GABRG3: variants seen among roughly 807,000 people sequenced by gnomAD.
The protein encoded by GABRG3 is gamma-aminobutyric acid receptor subunit gamma-3.
Under a neutral mutation model 48.8 loss-of-function variants are expected in GABRG3, and 25 were observed. The ratio of observed to expected loss-of-function variants is 0.51; its 90% CI spans 0.37 to 0.72. The LOEUF is 0.72. Ranked by LOEUF, GABRG3 falls within the 30% of genes least tolerant of loss-of-function variation. The pLI is 0.00. For synonymous variants in GABRG3, 227 were observed against 217.6 expected (o/e 1.04, Z -0.38); for missense variants, 394 against 577.9 (o/e 0.68, Z 3.26).
chr15:27,309,648 A>T (rs1422071082), intron 3 of GABRG3, among the ~76,000 whole-genome samples: 1 of 152,086 alleles, frequency 6.6e-6, no homozygotes, highest in African/African-American at 2.4e-5. Context: ...TAACTTCAAT[A>T]AAAATTGCTG....
intron 3 of GABRG3, among the ~76,000 whole-genome samples, chr15:27,252,495 A>AT: frequency 6.6e-6 from 1 of 152,238 alleles, no homozygotes; most frequent in South Asian, 2.1e-4. Flanking sequence ...CAGGTCGGTC[A>AT]GAACATGATG....
chr15:27,246,504 C>T (rs926512155), intron 3 of GABRG3, among the ~76,000 whole-genome samples: 3 of 152,026 alleles, frequency 2.0e-5, no homozygotes, highest in Non-Finnish European at 2.9e-5. Flanking sequence ...CATTTTGTTA[C>T]GAATGTATAA....
At chr15:27,144,305 G>T (rs1898158435) in intron 3 of GABRG3, among the ~76,000 whole-genome samples, 1 of 152,138 alleles carries the variant, frequency 6.6e-6, no homozygotes, top group Non-Finnish European at 1.5e-5. Context: ...CACAGATCAT[G>T]CTGAAAATCA....
intron 5 of GABRG3, among the ~76,000 whole-genome samples, chr15:27,396,163 C>T (rs1248590514): frequency 6.6e-6 from 1 of 152,176 alleles, no homozygotes; most frequent in Non-Finnish European, 1.5e-5. Context: ...CATGGTGAGC[C>T]TGTACTTACT....
In GABRG3 at chr15:27,541,145, C is replaced by T. The variant is rs1891654503; in HGVS notation, c.*8264C>T. The T allele has an allele frequency of 6.6e-6, 1 of 152,222 alleles. No individual in the cohort carries two copies. The highest frequency in any genetic ancestry group is 2.4e-5 in the African/African-American group (1 of 41,442). The allele number at this position is 152,222 out of a possible 1,614,324, so 9.4% of individuals were successfully genotyped here. A position where few individuals can be genotyped will look rare whatever the true frequency, so the allele number is the denominator to read the frequency against. ...GGAGTCCCTCTGGGGTCCACACAAG[C>T]CTGCCTCCTTTGGAGAGCCCTTGAG... On this transcript the variant is annotated 3_prime_UTR_variant, in exon 10 of 10. Coordinates refer to ENST00000615808, the MANE Select transcript of GABRG3 (RefSeq NM_033223.5).
rs1397511736 is a variant in GABRG3 at position 27,457,063 on chromosome 15, G to A, written c.575-23587G>A. 6.6e-6 allele frequency among the ~76,000 whole-genome samples: 1 copy of A among 152,218 alleles called. No individual in the cohort carries two copies. The highest frequency in any genetic ancestry group is 1.5e-5 in the Non-Finnish European group (1 of 68,048). On this transcript the variant is annotated intron_variant, in intron 5 of 9. Coordinates refer to ENST00000615808, the MANE Select transcript of GABRG3 (RefSeq NM_033223.5). The surrounding 1 kb of genome is among the most constrained non-coding windows in gnomAD (Gnocchi z 4.4). Reference sequence around the variant, plus strand: ...CAGGGGTGTGGAAGTAGAAGGAGCTGGAGGAGGGGAGCTGCAGGCCTCACC... The same window carrying A: ...CAGGGGTGTGGAAGTAGAAGGAGCTAGAGGAGGGGAGCTGCAGGCCTCACC...
chr15:27,155,660 A>G (rs561152554), intron 3 of GABRG3, among the ~76,000 whole-genome samples: 1 of 152,146 alleles, frequency 6.6e-6, no homozygotes, highest in Admixed American at 6.5e-5. Context: ...TATTGGGTTT[A>G]TTTACCCTTG....
intron 5 of GABRG3, among the ~76,000 whole-genome samples, chr15:27,415,992 GC>G (rs1887930155): frequency 6.6e-6 from 1 of 151,982 alleles, no homozygotes; most frequent in South Asian, 2.1e-4. Flanking sequence ...CCTCTTTCTA[GC>G]CCACTTTTCC....
chr15:27,035,318 T>C (rs1470255521), intron 3 of GABRG3, among the ~76,000 whole-genome samples: 1 of 152,202 alleles, frequency 6.6e-6, no homozygotes, highest in Non-Finnish European at 1.5e-5. Flanking sequence ...ATGGTAACTT[T>C]TCAGTGATTT....
chr15:27,356,372 G>T (rs191252013), intron 5 of GABRG3, among the ~76,000 whole-genome samples: 1 of 152,026 alleles, frequency 6.6e-6, no homozygotes, highest in South Asian at 2.1e-4. Flanking sequence ...TACATCTCCC[G>T]CTGGGCCTCA....
intron 3 of GABRG3, among the ~76,000 whole-genome samples, chr15:27,033,292 T>C (rs2140688912): frequency 6.6e-6 from 1 of 152,294 alleles, no homozygotes; most frequent in East Asian, 1.9e-4. Flanking sequence ...GCTGCCTCTG[T>C]TTTGGCTTCT....
intron 5 of GABRG3, among the ~76,000 whole-genome samples, chr15:27,425,256 A>G (rs893557109): frequency 1.3e-5 from 2 of 152,074 alleles, no homozygotes; most frequent in Non-Finnish European, 2.9e-5. Flanking sequence ...AACCATGAGT[A>G]TAAGTGGCTT....
At position 26,976,691 on chromosome 15, in the gene GABRG3, T is replaced by G. The variant is rs1294606116; in HGVS notation, c.54-311T>G. Among the ~76,000 whole-genome samples the G allele has an allele frequency of 6.6e-6, 1 of 152,170 alleles. No individual in the cohort carries two copies. The highest frequency in any genetic ancestry group is 2.1e-4 in the South Asian group (1 of 4,826). On this transcript the variant is annotated intron_variant, in intron 1 of 9. Coordinates refer to ENST00000615808, the MANE Select transcript of GABRG3 (RefSeq NM_033223.5). The surrounding 1 kb of genome is among the most constrained non-coding windows in gnomAD (Gnocchi z 7.8). ...CTATCGGGGTGGATCCAAGGGTGTG[T>G]TGCCTGCTGGTTGGCCCTCTGGTGT... is the stretch of plus-strand genomic sequence containing the variant.
At chr15:27,166,524 C>T (rs1887377018) in intron 3 of GABRG3, among the ~76,000 whole-genome samples, 1 of 152,052 alleles carries the variant, frequency 6.6e-6, no homozygotes, top group Non-Finnish European at 1.5e-5. Context: ...TGCAGGGAGG[C>T]CACTGCCTGC....
At chr15:27,347,694 G>A (rs142135001) in intron 5 of GABRG3, among the ~76,000 whole-genome samples, 2,116 of 152,286 alleles carry the variant, frequency 0.014, 44 homozygotes, top group African/African-American at 0.048. Flanking sequence ...GAAAAGCTCA[G>A]GAAAGTGTTG....
intron 3 of GABRG3, among the ~76,000 whole-genome samples, chr15:27,143,812 A>G (rs1239336575): frequency 6.6e-6 from 1 of 152,182 alleles, no homozygotes; most frequent in Non-Finnish European, 1.5e-5. Context: ...TAAAAAACTG[A>G]TTTGGATGTT....
chr15:27,160,414 T>C (rs1363333957), intron 3 of GABRG3, among the ~76,000 whole-genome samples: 9 of 152,224 alleles, frequency 5.9e-5, no homozygotes, highest in African/African-American at 2.2e-4. Flanking sequence ...TGCCATGGAC[T>C]AGGCAAGTCT....
At position 26,971,799 on chromosome 15, in the gene GABRG3, G is replaced by A. The variant is rs569039746; in HGVS notation, c.53+211G>A. Reference sequence around the variant, plus strand: ...TTTTTCCTCTGCAGCCGGGAGTGTGGGGACTCAGATTAATGGGCTCGTCTC... The same window carrying A: ...TTTTTCCTCTGCAGCCGGGAGTGTGAGGACTCAGATTAATGGGCTCGTCTC... On this transcript the variant is annotated intron_variant, in intron 1 of 9. Transcript: ENST00000615808. 2.6e-5 allele frequency among the ~76,000 whole-genome samples: 4 copies of A among 152,278 alleles called. No homozygotes were observed. The South Asian group carries it at 8.3e-4, about 32-fold the overall frequency.
intron 3 of GABRG3, among the ~76,000 whole-genome samples, chr15:27,184,628 G>GA (rs1471942910): frequency 2.0e-4 from 31 of 152,290 alleles, no homozygotes; most frequent in African/African-American, 7.2e-4. Flanking sequence ...AATAAATCTT[G>GA]AAATGTTTGG....
Sources: gnomAD v4.1 joint callset for allele counts (sites outside exome capture counted in the v4.1 genomes callset) on GRCh38, gnomAD v4.1.1 for gene constraint, Gnocchi (gnomAD v3.1) non-coding constraint, MANE v1.5 for transcripts, NCBI Gene and HGNC (gene_info 2026-07-23, HGNC 2026-07-21) for gene names.